The following DNM3 variants were observed in gnomAD, a reference collection of about 807,000 sequenced individuals.
The protein encoded by DNM3 is dynamin-3.
Under a neutral mutation model 101.6 loss-of-function variants are expected in DNM3, and 47 were observed. The observed-to-expected ratio is 0.46, with a 90% CI of 0.37 to 0.59. The LOEUF (loss-of-function observed/expected upper bound fraction) is 0.59, where lower values mean the gene tolerates loss of function less well. Ranked by LOEUF, DNM3 falls within the 20% of genes least tolerant of loss-of-function variation. The pLI, the probability that DNM3 is intolerant of heterozygous loss-of-function variation, is 0.00. For synonymous variants in DNM3, 385 were observed against 387.9 expected (o/e 0.99, Z 0.09); for missense variants, 849 against 1,085.7 (o/e 0.78, Z 3.06).
At chr1:172,129,899 C>A (rs1298782340) in intron 13 of DNM3, among the ~76,000 whole-genome samples, 1 of 152,000 alleles carries the variant, frequency 6.6e-6, no homozygotes, top group Non-Finnish European at 1.5e-5. Flanking sequence ...TGCATTAGCC[C>A]AGACTGGAGA....
At chr1:172,364,713 G>A (rs2067918388) in intron 17 of DNM3, among the ~76,000 whole-genome samples, 1 of 151,824 alleles carries the variant, frequency 6.6e-6, no homozygotes, top group Admixed American at 6.6e-5. Context: ...GGTAGTGACT[G>A]GATCATGGGG....
chr1:172,022,806 G>A (rs1451525859), intron 4 of DNM3, among the ~76,000 whole-genome samples: 3 of 151,920 alleles, frequency 2.0e-5, no homozygotes, highest in African/African-American at 7.2e-5. Context: ...AGAGAAGGAG[G>A]ATTTAGCTGT....
At chr1:172,115,506 T>C (rs1251571256) in intron 13 of DNM3, among the ~76,000 whole-genome samples, 1 of 152,172 alleles carries the variant, frequency 6.6e-6, no homozygotes, top group African/African-American at 2.4e-5. Context: ...GAATCAAATC[T>C]AAAGGTCTCC....
At chr1:172,034,824 A>G (rs896586253) in intron 6 of DNM3, among the ~76,000 whole-genome samples, 3 of 152,122 alleles carry the variant, frequency 2.0e-5, no homozygotes, top group Non-Finnish European at 4.4e-5. Flanking sequence ...AGAAAGAGGT[A>G]GTGAGTTGTA....
intron 12 of DNM3, among the ~76,000 whole-genome samples, chr1:172,085,223 G>T (rs1368602710): frequency 6.7e-6 from 1 of 150,058 alleles, no homozygotes; most frequent in Admixed American, 6.6e-5. Context: ...TGACTTAAGG[G>T]TTTTAATTTG....
intron 1 of DNM3, among the ~76,000 whole-genome samples, chr1:171,910,210 A>G (rs1228972738): frequency 6.6e-6 from 1 of 152,260 alleles, no homozygotes; most frequent in East Asian, 1.9e-4. Flanking sequence ...AAATCTAGAT[A>G]CAATAGTCTT....
At chr1:172,165,271 A>G (rs1343235292) in intron 14 of DNM3, among the ~76,000 whole-genome samples, 2 of 152,174 alleles carry the variant, frequency 1.3e-5, no homozygotes, top group East Asian at 3.9e-4. Flanking sequence ...TAGAAAGTGG[A>G]AAATAAAAGA....
chr1:172,162,499 AT>A (rs992482493), intron 14 of DNM3, among the ~76,000 whole-genome samples: 1 of 152,064 alleles, frequency 6.6e-6, no homozygotes, highest in Non-Finnish European at 1.5e-5. Context: ...CAGAAAAAAA[AT>A]AGAAAGAAAG....
At chr1:172,268,592 A>G (rs77104126) in intron 15 of DNM3, among the ~76,000 whole-genome samples, 4 of 152,182 alleles carry the variant, frequency 2.6e-5, no homozygotes, top group Non-Finnish European at 5.9e-5. Context: ...TTCTCGGCCC[A>G]TTTGGTTTAT....
intron 15 of DNM3, among the ~76,000 whole-genome samples, chr1:172,288,222 A>G (rs1201759569): frequency 6.6e-6 from 1 of 152,226 alleles, no homozygotes; most frequent in African/African-American, 2.4e-5. Flanking sequence ...TTTATAATAC[A>G]GTGACCTGTC....
At chr1:172,153,500 G>A (rs2058220313) in intron 14 of DNM3, among the ~76,000 whole-genome samples, 2 of 152,078 alleles carry the variant, frequency 1.3e-5, no homozygotes, top group African/African-American at 4.8e-5. Context: ...AAAGCATTCA[G>A]TAAAACAGGC....
At chr1:171,915,963 A>G (rs926512605) in intron 1 of DNM3, among the ~76,000 whole-genome samples, 1 of 152,196 alleles carries the variant, frequency 6.6e-6, no homozygotes, top group African/African-American at 2.4e-5. Context: ...TTTGGCTTCA[A>G]CTTCCTGCTC....
chr1:172,290,940 T>A (rs2063888240), intron 15 of DNM3, among the ~76,000 whole-genome samples: 1 of 151,938 alleles, frequency 6.6e-6, no homozygotes, highest in African/African-American at 2.4e-5. Context: ...GCGGGTGTGA[T>A]ATCACAGAAG....
intron 17 of DNM3, among the ~76,000 whole-genome samples, chr1:172,371,367 G>A (rs988729405): frequency 8.6e-5 from 13 of 151,996 alleles, no homozygotes; most frequent in East Asian, 3.9e-4. Context: ...TAGAAAACAC[G>A]CTTAAAGAAG....
intron 14 of DNM3, among the ~76,000 whole-genome samples, chr1:172,223,456 G>A (rs556260168): frequency 9.2e-5 from 14 of 151,714 alleles, no homozygotes; most frequent in African/African-American, 2.9e-4. Context: ...TTTTACATTC[G>A]TTGAAATATA....
intron 13 of DNM3, among the ~76,000 whole-genome samples, chr1:172,117,249 A>T (rs1340640516): frequency 6.6e-6 from 1 of 151,294 alleles, no homozygotes; most frequent in Non-Finnish European, 1.5e-5. Context: ...CCTTCTCTCT[A>T]TTTTAGAATA....
At chr1:172,030,689 TAAACAAATTTACAAGAAAAA>T (rs2048538360) in intron 4 of DNM3, among the ~76,000 whole-genome samples, 1 of 151,622 alleles carries the variant, frequency 6.6e-6, no homozygotes, top group Non-Finnish European at 1.5e-5. Flanking sequence ...ACAAAGAACA[TAAACAAATTTACAAGAAAAA>T]AAACAAACAA....
rs143821735 is a variant in DNM3, at chr1:172,219,050, A to C, written c.1660-34523A>C. ...TAATGTGTTAGGCATGGTATCTGGA[A>C]GCGTGAAAATTGAAACCTTTGTCTG... On this transcript the variant is annotated intron_variant, in intron 14 of 20. Transcript: ENST00000627582. Among the ~76,000 whole-genome samples the C allele has an allele frequency of 2.8e-3, 433 of 152,150 alleles. 1 individual carries two copies. Among genetic ancestry groups the C allele is most frequent in the African/African-American group, 1.0e-2 (415 of 41,534 alleles).
intron 20 of DNM3, among the ~76,000 whole-genome samples, chr1:172,405,695 G>T (rs1364149389): frequency 1.3e-5 from 2 of 151,758 alleles, no homozygotes; most frequent in African/African-American, 4.8e-5. Context: ...TCAAATTCTG[G>T]CCAGTTCTCT....
Sources: allele counts gnomAD v4.1 joint callset (sites outside exome capture counted in the v4.1 genomes callset), GRCh38; gene constraint gnomAD v4.1.1; transcripts MANE v1.5; gene names NCBI Gene and HGNC (gene_info 2026-07-23, HGNC 2026-07-21).